Variants in MAPK8 observed in about 807,000 individuals in gnomAD.
The protein encoded by MAPK8 is mitogen-activated protein kinase 8.
MAPK8 carries 13 observed loss-of-function variants against 52.9 expected under a neutral mutation model. The ratio of observed to expected loss-of-function variants is 0.25; its 90% CI spans 0.16 to 0.39. The LOEUF is 0.39. Ranked by LOEUF, MAPK8 falls within the 10% of genes least tolerant of loss-of-function variation. MAPK8 has a pLI of 1.00. For synonymous variants in MAPK8, 191 were observed against 169.8 expected (o/e 1.12, Z -0.97); for missense variants, 300 against 519.2 (o/e 0.58, Z 4.10).
intron 4 of MAPK8, 28 bp from the exon 5 acceptor site, chr10:48,410,002 T>C (rs374724229): frequency 1.6e-5 from 26 of 1,604,978 alleles, no homozygotes; most frequent in Admixed American, 1.7e-5. Context: ...CTGGACACTT[T>C]AGCTGTTCTC....
chr10:48,351,607 G>A (rs1215828441), intron 1 of MAPK8, among the ~76,000 whole-genome samples: 1 of 151,882 alleles, frequency 6.6e-6, no homozygotes, highest in African/African-American at 2.4e-5. Context: ...TTTCAGCATA[G>A]CAAATAAATA....
chr10:48,377,376 T>C (rs2040735505), intron 1 of MAPK8, among the ~76,000 whole-genome samples: 1 of 152,048 alleles, frequency 6.6e-6, no homozygotes, highest in Non-Finnish European at 1.5e-5. Context: ...AAAAATACAT[T>C]TCTTGGACCC....
intron 5 of MAPK8, among the ~76,000 whole-genome samples, chr10:48,413,955 C>T (rs1201227045): frequency 2.0e-5 from 3 of 149,130 alleles, no homozygotes; most frequent in Admixed American, 6.7e-5. Flanking sequence ...TAACGTGTAC[C>T]ACTCAGTGTT....
At position 48,357,734 on chromosome 10, in the gene MAPK8, C is replaced by T. The variant is rs528030838; in HGVS notation, c.-49-43878C>T. On this transcript the variant is annotated intron_variant, in intron 1 of 11. Coordinates refer to ENST00000374189, the MANE Select transcript of MAPK8 (RefSeq NM_001323329.2). ...TAAAATCTTTTAATTATAAAATACACGTAACATAAATTTATTATTTGTTTA... is the reference window on the plus strand; with the variant it reads ...TAAAATCTTTTAATTATAAAATACATGTAACATAAATTTATTATTTGTTTA... Among the ~76,000 whole-genome samples the T allele has an allele frequency of 7.2e-5, 11 of 152,258 alleles. No individual in the cohort carries two copies. In the South Asian group the frequency reaches 1.9e-3, roughly 26 times the overall value.
At chr10:48,324,337 TA>T (rs573200859) in intron 1 of MAPK8, among the ~76,000 whole-genome samples, 25 of 152,310 alleles carry the variant, frequency 1.6e-4, no homozygotes, top group Non-Finnish European at 2.8e-4. Flanking sequence ...ATGTTTCTGT[TA>T]GGGGACAATC....
intron 6 of MAPK8, among the ~76,000 whole-genome samples, chr10:48,421,577 C>A (rs1423731129): frequency 6.6e-6 from 1 of 151,998 alleles, no homozygotes; most frequent in Non-Finnish European, 1.5e-5. Context: ...GGCCGAGGCT[C>A]GTGGATCACT....
In MAPK8 at chr10:48,426,668, A is replaced by G. The variant is rs1225533600; in HGVS notation, c.996+164A>G. On this transcript the variant is annotated intron_variant, in intron 9 of 11. Coordinates refer to ENST00000374189, the MANE Select transcript of MAPK8 (RefSeq NM_001323329.2). The stretch of plus-strand genomic sequence containing the variant: ...CTACGTCAAATAAACTAATGAACAT[A>G]TTCGAGCCCCTCCTACACAAAATAA... 7 of 669,504 alleles carry G rather than the reference A, an allele frequency of 1.0e-5. No homozygotes were observed. The Admixed American group carries it at 1.7e-4, about 17-fold the overall frequency. The allele number at this position is 669,504 out of a possible 1,614,324, so 41.5% of individuals were successfully genotyped here.
At chr10:48,326,440 C>T (rs1290405531) in intron 1 of MAPK8, among the ~76,000 whole-genome samples, 1 of 152,098 alleles carries the variant, frequency 6.6e-6, no homozygotes, top group Non-Finnish European at 1.5e-5. Flanking sequence ...CCCAGCTCAT[C>T]TTGTATGTTT....
At chr10:48,433,322 A>T (rs1384992884) in intron 11 of MAPK8, among the ~76,000 whole-genome samples, 1 of 152,212 alleles carries the variant, frequency 6.6e-6, no homozygotes, top group Non-Finnish European at 1.5e-5. Context: ...CATATATAAA[A>T]ATTGTATATG....
chr10:48,340,403 A>G (rs1845137160), intron 1 of MAPK8, among the ~76,000 whole-genome samples: 1 of 152,164 alleles, frequency 6.6e-6, no homozygotes, highest in South Asian at 2.1e-4. Context: ...AAGGAGGCTG[A>G]GGGGGTAGGG....
At chr10:48,408,308 A>G (rs532061158) in intron 3 of MAPK8, among the ~76,000 whole-genome samples, 298 of 152,332 alleles carry the variant, frequency 2.0e-3, no homozygotes, top group African/African-American at 6.7e-3. Context: ...GCTGAATACC[A>G]TAACAACATT....
chr10:48,311,290 G>A (rs538674438), intron 1 of MAPK8, among the ~76,000 whole-genome samples: 1 of 152,232 alleles, frequency 6.6e-6, no homozygotes, highest in African/African-American at 2.4e-5. Context: ...TAATTCTCCA[G>A]AATATGCCAT....
At chr10:48,319,766 A>T (rs1842819393) in intron 1 of MAPK8, among the ~76,000 whole-genome samples, 1 of 152,114 alleles carries the variant, frequency 6.6e-6, no homozygotes, top group South Asian at 2.1e-4. Context: ...TGCTGGGATT[A>T]CAGGTGTGAG....
chr10:48,378,537 G>GA (rs2040806796), intron 1 of MAPK8, among the ~76,000 whole-genome samples: 1 of 151,962 alleles, frequency 6.6e-6, no homozygotes, highest in Non-Finnish European at 1.5e-5. Flanking sequence ...ACAAAATCTT[G>GA]AAAAAAATTA....
intron 1 of MAPK8, among the ~76,000 whole-genome samples, chr10:48,325,541 T>C (rs1314843310): frequency 1.3e-5 from 2 of 152,232 alleles, no homozygotes; most frequent in African/African-American, 4.8e-5. Flanking sequence ...TTGTAGAAGT[T>C]TTAGTTTTAC....
At chr10:48,348,285 T>C (rs1005578272) in intron 1 of MAPK8, among the ~76,000 whole-genome samples, 3 of 152,230 alleles carry the variant, frequency 2.0e-5, no homozygotes, top group African/African-American at 7.2e-5. Context: ...TTCTGGATAT[T>C]AGCCCTTTGT....
chr10:48,411,749 G>A (rs1463815370), intron 5 of MAPK8, among the ~76,000 whole-genome samples: 1 of 151,876 alleles, frequency 6.6e-6, no homozygotes, highest in Non-Finnish European at 1.5e-5. Flanking sequence ...CACAAACATA[G>A]GATGTCTTAC....
chr10:48,360,610 T>C (rs1016849042), intron 1 of MAPK8, among the ~76,000 whole-genome samples: 1 of 152,310 alleles, frequency 6.6e-6, no homozygotes, highest in East Asian at 1.9e-4. Flanking sequence ...TGTAGTGGAA[T>C]ATCATTCCAT....
chr10:48,407,788 T>C (rs1019855537), intron 3 of MAPK8, among the ~76,000 whole-genome samples: 1 of 152,140 alleles, frequency 6.6e-6, no homozygotes, highest in Non-Finnish European at 1.5e-5. Context: ...CTCCCATCCT[T>C]CTCAGTTCTA....
Sources: gnomAD v4.1 joint callset for allele counts (sites outside exome capture counted in the v4.1 genomes callset) on GRCh38, gnomAD v4.1.1 for gene constraint, MANE v1.5 for transcripts, NCBI Gene and HGNC (gene_info 2026-07-23, HGNC 2026-07-21) for gene names.